The following CAMK2D variants were observed in gnomAD, a reference collection of about 807,000 sequenced individuals.
CAMK2D encodes the protein calcium/calmodulin dependent protein kinase II delta, also known as calcium/calmodulin-dependent protein kinase type II subunit delta.
In CAMK2D, 37 loss-of-function variants were observed where a neutral mutation model predicts 84.0. The ratio of observed to expected loss-of-function variants is 0.44; its 90% CI spans 0.34 to 0.58. The LOEUF is 0.58. CAMK2D is among the 20% of genes least tolerant of loss of function. CAMK2D has a pLI of 0.02. For missense variants in CAMK2D, 448 were observed against 652.5 expected, an observed-to-expected ratio of 0.69 and a Z score of 3.41; for synonymous variants, 202 against 212.5, an observed-to-expected ratio of 0.95 and a Z score of 0.43.
intron 16 of CAMK2D, among the ~76,000 whole-genome samples, chr4:113,471,247 A>C (rs2097543341): frequency 6.6e-6 from 1 of 151,996 alleles, no homozygotes; most frequent in Non-Finnish European, 1.5e-5. Context: ...CTTTTTCCTT[A>C]GCACTTCTGA....
At chr4:113,526,570 A>G (rs967560298) in intron 8 of CAMK2D, among the ~76,000 whole-genome samples, 5 of 152,196 alleles carry the variant, frequency 3.3e-5, no homozygotes, top group Admixed American at 2.0e-4. Flanking sequence ...CCTCTTCCAG[A>G]CAAGAAAGTT....
chr4:113,521,271 T>C (rs2098355190), intron 8 of CAMK2D, among the ~76,000 whole-genome samples: 1 of 152,212 alleles, frequency 6.6e-6, no homozygotes, highest in Non-Finnish European at 1.5e-5. Context: ...TTAAACTTAC[T>C]TGATGTATTT....
chr4:113,749,876 T>A (rs2099613355), intron 2 of CAMK2D, among the ~76,000 whole-genome samples: 1 of 152,234 alleles, frequency 6.6e-6, no homozygotes, highest in Non-Finnish European at 1.5e-5. Context: ...ATAGAGTTAT[T>A]GTATGCTATT....
At chr4:113,643,739 G>C (rs970785053) in intron 3 of CAMK2D, among the ~76,000 whole-genome samples, 1 of 152,212 alleles carries the variant, frequency 6.6e-6, no homozygotes, top group Non-Finnish European at 1.5e-5. Context: ...TCTTTGCCTT[G>C]ATTCCAAGTG....
intron 16 of CAMK2D, among the ~76,000 whole-genome samples, chr4:113,496,208 A>T (rs1288789045): frequency 6.6e-6 from 1 of 152,218 alleles, no homozygotes; most frequent in East Asian, 1.9e-4. Context: ...TTAACTGCTA[A>T]TTAAGAGCTA....
At chr4:113,708,624 T>C (rs1021820990) in intron 2 of CAMK2D, among the ~76,000 whole-genome samples, 1 of 152,210 alleles carries the variant, frequency 6.6e-6, no homozygotes, top group Non-Finnish European at 1.5e-5. Context: ...ATAATCTTTT[T>C]TAAAAAGCTA....
chr4:113,563,245 ACTCCAT>A (rs912466665), intron 4 of CAMK2D, among the ~76,000 whole-genome samples: 2 of 151,988 alleles, frequency 1.3e-5, no homozygotes, highest in Non-Finnish European at 2.9e-5. Flanking sequence ...CAAAAGCAAA[ACTCCAT>A]CTCAAAAAAA....
chr4:113,463,411 T>C (rs1042561247), intron 17 of CAMK2D, among the ~76,000 whole-genome samples: 4 of 152,208 alleles, frequency 2.6e-5, no homozygotes, highest in Admixed American at 2.6e-4. Context: ...AGTTTCACTC[T>C]TGTTGCCCAG....
At chr4:113,565,818 C>A (rs970192343) in intron 4 of CAMK2D, among the ~76,000 whole-genome samples, 7 of 151,934 alleles carry the variant, frequency 4.6e-5, no homozygotes, top group African/African-American at 1.7e-4. Context: ...AGACAGAAAA[C>A]TAGGATAAAT....
intron 4 of CAMK2D, among the ~76,000 whole-genome samples, chr4:113,580,659 C>T (rs1463644256): frequency 2.0e-5 from 3 of 152,058 alleles, no homozygotes; most frequent in African/African-American, 4.8e-5. Context: ...AAACTTACTA[C>T]CATAGAGCTA....
chr4:113,519,632 AT>A (rs1327423033), intron 8 of CAMK2D, among the ~76,000 whole-genome samples: 2 of 152,178 alleles, frequency 1.3e-5, no homozygotes, highest in Non-Finnish European at 2.9e-5. Flanking sequence ...TTAAACAAGC[AT>A]CTAAAACCTT....
intron 4 of CAMK2D, among the ~76,000 whole-genome samples, chr4:113,601,201 A>C (rs1268008735): frequency 6.6e-6 from 1 of 152,308 alleles, no homozygotes; most frequent in East Asian, 1.9e-4. Context: ...CGTGGGTAGA[A>C]GGATTTAATT....
At chr4:113,760,943 G>A in intron 1 of CAMK2D, 61 bp downstream of exon 1, 3 of 1,605,082 alleles carry the variant, frequency 1.9e-6, no homozygotes, top group Non-Finnish European at 2.6e-6. Context: ...GTGGGTCGGG[G>A]GCAACGCGAC....
At chr4:113,587,530 T>A (rs1344966061) in intron 4 of CAMK2D, among the ~76,000 whole-genome samples, 2 of 152,188 alleles carry the variant, frequency 1.3e-5, no homozygotes, top group African/African-American at 4.8e-5. Context: ...TTCTTAATTA[T>A]TTTTTGCTTT....
intron 3 of CAMK2D, among the ~76,000 whole-genome samples, chr4:113,629,640 C>T (rs2099081559): frequency 1.3e-5 from 2 of 151,918 alleles, no homozygotes; most frequent in South Asian, 4.1e-4. Context: ...ATCTAGACAA[C>T]AGTATTTGTT....
At chr4:113,645,949 A>C (rs570105014) in intron 3 of CAMK2D, among the ~76,000 whole-genome samples, 3 of 152,342 alleles carry the variant, frequency 2.0e-5, no homozygotes, top group African/African-American at 7.2e-5. Flanking sequence ...CAGAATAGGA[A>C]TTTCAGAATA....
intron 7 of CAMK2D, among the ~76,000 whole-genome samples, chr4:113,532,089 G>C (rs1405148220): frequency 6.6e-6 from 1 of 152,076 alleles, no homozygotes; most frequent in Non-Finnish European, 1.5e-5. Flanking sequence ...ACAGATCACT[G>C]ATGAAACACA....
intron 4 of CAMK2D, among the ~76,000 whole-genome samples, chr4:113,605,888 A>G (rs2098974890): frequency 6.6e-6 from 1 of 152,126 alleles, no homozygotes; most frequent in Non-Finnish European, 1.5e-5. Context: ...GTCTTATAAA[A>G]TAATACCCCC....
At chr4:113,618,746 C>A (rs1267509323) in intron 3 of CAMK2D, among the ~76,000 whole-genome samples, 1 of 152,092 alleles carries the variant, frequency 6.6e-6, no homozygotes, top group African/African-American at 2.4e-5. Flanking sequence ...ATTCTGTAAT[C>A]TTAGGCTCAC....
Sources: gnomAD v4.1 joint callset for allele counts (sites outside exome capture counted in the v4.1 genomes callset) on GRCh38, gnomAD v4.1.1 for gene constraint, MANE v1.5 for transcripts, NCBI Gene and HGNC (gene_info 2026-07-23, HGNC 2026-07-21) for gene names.